SEC13: variants seen among roughly 807,000 people sequenced by gnomAD.
SEC13 encodes the protein SEC13 homolog, nuclear pore and COPII component, also known as protein SEC13 homolog.
Under a neutral mutation model 49.2 loss-of-function variants are expected in SEC13, and 25 were observed. The ratio of observed to expected loss-of-function variants is 0.51; its 90% CI spans 0.37 to 0.71. SEC13 has a LOEUF of 0.71. SEC13 is among the 30% of genes least tolerant of loss of function. The pLI, the probability that SEC13 is intolerant of heterozygous loss-of-function variation, is 0.00. For synonymous variants in SEC13, 148 were observed against 163.9 expected (o/e 0.90, Z 0.74); for missense variants, 383 against 417.6 (o/e 0.92, Z 0.72).
At chr3:10,301,478 T>C in intron 8 of SEC13, 104 bp from the exon 9 acceptor site, 1 of 1,450,942 alleles carries the variant, frequency 6.9e-7, no homozygotes, top group South Asian at 1.2e-5. Flanking sequence ...CCCAGAGGCT[T>C]GTGGGTGAAC....
At chr3:10,311,719 G>A in intron 5 of SEC13, 2 of 1,370,596 alleles carry the variant, frequency 1.5e-6, no homozygotes, top group Non-Finnish European at 1.9e-6. Flanking sequence ...CAGTGAGCAG[G>A]CTGCTGCTGC....
intron 1 of SEC13, among the ~76,000 whole-genome samples, chr3:10,318,653 G>A (rs2059706931): frequency 6.6e-6 from 1 of 152,170 alleles, no homozygotes; most frequent in African/African-American, 2.4e-5. Flanking sequence ...ACTTCAGACT[G>A]GGAGACTTGA....
rs181678200 is a variant in SEC13 at position 10,311,384 on chromosome 3, C to A, written c.450+581G>T. On this transcript the variant is annotated intron_variant, in intron 5 of 8. Transcript: ENST00000350697. ...AAAATATCCAATAATCATACAGATG[C>A]ATGACAGCAAACGATGTGGCATTAG... Among the ~76,000 whole-genome samples, 125 of 152,306 alleles carry A rather than the reference C, an allele frequency of 8.2e-4. 3 individuals are homozygous for A. In the East Asian group the frequency reaches 0.022, roughly 27 times the overall value.
intron 2 of SEC13, 120 bp from the exon 3 acceptor site, chr3:10,315,556 A>T (rs1050410571): frequency 4.6e-6 from 3 of 645,722 alleles, no homozygotes; most frequent in Non-Finnish European, 8.3e-6. Context: ...ATCTGATCTC[A>T]AAGTATCATC....
chr3:10,311,811 C>T, intron 5 of SEC13, 154 bp downstream of exon 5: 1 of 1,510,448 alleles, frequency 6.6e-7, no homozygotes, highest in Non-Finnish European at 8.9e-7. Context: ...CAGAGAGGCT[C>T]AAAGCTGCTC....
chr3:10,311,820 T>C, intron 5 of SEC13, 145 bp downstream of exon 5: 1 of 1,543,330 alleles, frequency 6.5e-7, no homozygotes, highest in Non-Finnish European at 8.7e-7. Context: ...TCAAAGCTGC[T>C]CTAGAGCAAT....
intron 2 of SEC13, among the ~76,000 whole-genome samples, chr3:10,316,994 T>A (rs574899700): frequency 2.4e-4 from 21 of 88,828 alleles, no homozygotes; most frequent in African/African-American, 9.9e-4. Context: ...AGAGCGAAAC[T>A]CCATCTCAAA....
chr3:10,319,207 A>AG (rs750796415), intron 1 of SEC13: 1 of 1,613,838 alleles, frequency 6.2e-7, no homozygotes, highest in Non-Finnish European at 8.5e-7. Context: ...GATTTCAGAA[A>AG]GGCAGACAGT....
rs746717092 is a variant in SEC13 at position 10,301,144 on chromosome 3, C to G, written c.*117G>C. On this transcript the variant is annotated 3_prime_UTR_variant, in exon 9 of 9. Transcript: ENST00000350697. Reference sequence around the variant, plus strand: ...TCAATCTGTGGCTGCATCTGTAACTCCTCCTGGGAAAATAATCCTGTTGGA... The same window carrying G: ...TCAATCTGTGGCTGCATCTGTAACTGCTCCTGGGAAAATAATCCTGTTGGA... 34 of 1,613,772 alleles carry G rather than the reference C, an allele frequency of 2.1e-5. No homozygotes were observed. In the African/African-American group the frequency reaches 3.9e-4, roughly 18 times the overall value.
At chr3:10,316,799 C>T (rs1423785091) in intron 2 of SEC13, among the ~76,000 whole-genome samples, 4 of 151,888 alleles carry the variant, frequency 2.6e-5, no homozygotes, top group Admixed American at 6.6e-5. Context: ...GTCGGGAGTT[C>T]GAGACTAGCC....
chr3:10,301,342 C>T lies in SEC13; in HGVS notation c.888G>A (p.Gln296=). Reference sequence around the variant, plus strand: ...TGTTGACATCACTGATGCACACCCACTGCCCATCAACTGACTCCTTCCACA... The same window carrying T: ...TGTTGACATCACTGATGCACACCCATTGCCCATCAACTGACTCCTTCCACA... ...VTLWKESVDG[Q]WVCISDVNKG... Residue 296 remains glutamine (Q), a synonymous_variant, in exon 9 of 9, where the codon CAG becomes CAA. Coordinates refer to ENST00000350697, the MANE Select transcript of SEC13 (RefSeq NM_183352.3). 1 of 1,614,216 alleles carries T rather than the reference C, an allele frequency of 6.2e-7. No individual in the cohort carries two copies. Among genetic ancestry groups the T allele is most frequent in the African/African-American group, 1.3e-5 (1 of 75,062 alleles).
rs754016117 is a variant in SEC13, at chr3:10,305,094, C to T, written c.647G>A (p.Arg216Gln). 28 of 1,613,988 alleles carry T rather than the reference C, an allele frequency of 1.7e-5. No homozygotes were observed. Among genetic ancestry groups the T allele is most frequent in the Middle Eastern group, 1.6e-4 (1 of 6,084 alleles). ...QKLEAHSDWVRDVAWAPSIGL... is the reference protein window; with the variant it reads ...QKLEAHSDWVQDVAWAPSIGL... ...GATGGAGGGGGCCCAGGCCACATCT[C>T]GAACCCAGTCACTGTGCGCTTCTAG... Residue 216 changes from arginine to glutamine, a missense_variant, in exon 7 of 9, where the codon CGA becomes CAA. Arg to Gln is a conservative substitution (Grantham distance 43, BLOSUM62 1). Coordinates refer to ENST00000350697, the MANE Select transcript of SEC13 (RefSeq NM_183352.3).
intron 5 of SEC13, among the ~76,000 whole-genome samples, chr3:10,308,162 A>G (rs146109330): frequency 1.3e-5 from 2 of 152,196 alleles, no homozygotes; most frequent in Admixed American, 1.3e-4. Context: ...TAGGATCATC[A>G]CATCACCTCA....
rs747693212 is a variant in SEC13, at chr3:10,321,098, G to GCGGCGCCTCGGAACAGCTCACTTC, written c.-47_-46insGAAGTGAGCTGTTCCGAGGCGCCG. On this transcript the variant is annotated 5_prime_UTR_variant, in exon 1 of 9. Transcript: ENST00000350697. The surrounding 1 kb of genome is among the most constrained non-coding windows in gnomAD (Gnocchi z 4.1). ...CAGGTCTCGGACGTGGCAGCTCCCG[G>GCGGCGCCTCGGAACAGCTCACTTC]CGGCGCCTCGGAACAGCTCACTTCC... is the stretch of plus-strand genomic sequence containing the variant. The GCGGCGCCTCGGAACAGCTCACTTC allele has an allele frequency of 2.9e-5, 46 of 1,612,106 alleles. No homozygotes were observed. The highest frequency in any genetic ancestry group is 3.7e-5 in the Non-Finnish European group (44 of 1,179,522).
chr3:10,310,081 A>G, intron 5 of SEC13, among the ~76,000 whole-genome samples: 1 of 152,048 alleles, frequency 6.6e-6, no homozygotes, highest in East Asian at 1.9e-4. Flanking sequence ...AGCCTTTCTT[A>G]TTGTGGGCCG....
chr3:10,303,888 G>A (rs1037213852), intron 8 of SEC13, 138 bp downstream of exon 8: 4 of 815,070 alleles, frequency 4.9e-6, no homozygotes, highest in Admixed American at 2.0e-5. Context: ...ATGTAACTAA[G>A]AGGCACACTC....
At chr3:10,305,483 G>T in intron 6 of SEC13, 76 bp downstream of exon 6, 1 of 1,535,142 alleles carries the variant, frequency 6.5e-7, no homozygotes, top group South Asian at 1.2e-5. Context: ...TTTCTTGTGA[G>T]TGTGGCTGAG....
chr3:10,308,316 G>C (rs2125257003), intron 5 of SEC13, among the ~76,000 whole-genome samples: 1 of 152,332 alleles, frequency 6.6e-6, no homozygotes, highest in Non-Finnish European at 1.5e-5. Context: ...TGGAATCACA[G>C]TGTGTCCTTT....
chr3:10,308,486 G>T (rs1354407326), intron 5 of SEC13, among the ~76,000 whole-genome samples: 1 of 152,036 alleles, frequency 6.6e-6, no homozygotes, highest in Non-Finnish European at 1.5e-5. Flanking sequence ...ATGGACATGT[G>T]GACTATTTCC....
Sources: allele counts gnomAD v4.1 joint callset (sites outside exome capture counted in the v4.1 genomes callset), GRCh38; gene constraint gnomAD v4.1.1; non-coding constraint Gnocchi (gnomAD v3.1); transcripts MANE v1.5; gene names NCBI Gene and HGNC (gene_info 2026-07-23, HGNC 2026-07-21).